The following EYS variants were observed in gnomAD, a reference collection of about 807,000 sequenced individuals.
EYS encodes EGF-like photoreceptor maintenance factor, also known as protein eyes shut homolog.
In EYS, 250 loss-of-function variants were observed where a neutral mutation model predicts 282.1. The ratio of observed to expected loss-of-function variants is 0.89; its 90% CI spans 0.80 to 0.98. EYS has a LOEUF of 0.98. EYS is among the 50% of genes least tolerant of loss of function. The pLI, the probability that EYS is intolerant of heterozygous loss-of-function variation, is 0.00. For synonymous variants in EYS, 1,355 were observed against 1,282.9 expected, an observed-to-expected ratio of 1.06 and a Z score of -1.20; for missense variants, 4,016 against 3,709.0, an observed-to-expected ratio of 1.08 and a Z score of -2.15.
At chr6:64,816,849 A>G (rs1764752965) in intron 21 of EYS, among the ~76,000 whole-genome samples, 1 of 152,076 alleles carries the variant, frequency 6.6e-6, no homozygotes, top group Admixed American at 6.6e-5. Context: ...TTTTAAGAGC[A>G]ATAGACTTAA....
chr6:65,534,342 T>C (rs1246890582), intron 2 of EYS, among the ~76,000 whole-genome samples: 1 of 152,056 alleles, frequency 6.6e-6, no homozygotes, highest in Admixed American at 6.6e-5. Flanking sequence ...TTATATGAAG[T>C]TTACTGAATA....
At chr6:63,773,647 T>C (rs778598045) in intron 40 of EYS, among the ~76,000 whole-genome samples, 2 of 152,084 alleles carry the variant, frequency 1.3e-5, no homozygotes, top group African/African-American at 4.8e-5. Flanking sequence ...GCAAAGAGGA[T>C]TTTAGGAAGA....
intron 29 of EYS, among the ~76,000 whole-genome samples, chr6:64,347,869 T>G (rs1418805040): frequency 6.6e-6 from 1 of 151,352 alleles, no homozygotes; most frequent in Non-Finnish European, 1.5e-5. Flanking sequence ...TTGTAAACTT[T>G]CGGCCTCAAC....
chr6:63,910,421 C>T (rs1432070108), intron 35 of EYS, among the ~76,000 whole-genome samples: 6 of 152,124 alleles, frequency 3.9e-5, no homozygotes, highest in Non-Finnish European at 8.8e-5. Context: ...ATTCTGTGTA[C>T]CGAAAGGTCA....
At chr6:64,093,220 T>C (rs1772439025) in intron 31 of EYS, among the ~76,000 whole-genome samples, 1 of 152,124 alleles carries the variant, frequency 6.6e-6, no homozygotes, top group Non-Finnish European at 1.5e-5. Flanking sequence ...TGGCTTAGGA[T>C]TGACTTGACA....
intron 12 of EYS, among the ~76,000 whole-genome samples, chr6:65,105,738 T>C (rs1299595461): frequency 6.6e-6 from 1 of 151,936 alleles, no homozygotes; most frequent in African/African-American, 2.4e-5. Flanking sequence ...ATTTCCTAAA[T>C]CTGAAGAGAT....
chr6:65,578,295 A>G (rs933611724), intron 2 of EYS, among the ~76,000 whole-genome samples: 1 of 151,682 alleles, frequency 6.6e-6, no homozygotes, highest in Admixed American at 6.6e-5. Context: ...ATGAACCTAG[A>G]GTACATTATG....
intron 13 of EYS, among the ~76,000 whole-genome samples, chr6:65,022,838 T>C (rs1200740062): frequency 6.6e-6 from 1 of 151,920 alleles, no homozygotes; most frequent in Non-Finnish European, 1.5e-5. Context: ...TATGACATAG[T>C]ACAATGGAGG....
At chr6:64,433,206 C>T (rs1440325358) in intron 28 of EYS, among the ~76,000 whole-genome samples, 3 of 151,882 alleles carry the variant, frequency 2.0e-5, no homozygotes, top group Non-Finnish European at 2.9e-5. Context: ...TATAAGGGTA[C>T]GTAAGGCAAG....
intron 26 of EYS, among the ~76,000 whole-genome samples, chr6:64,573,970 T>C (rs1421265106): frequency 1.3e-5 from 2 of 151,850 alleles, no homozygotes; most frequent in African/African-American, 4.8e-5. Context: ...TAAAGACACA[T>C]ACACATGTAT....
intron 35 of EYS, among the ~76,000 whole-genome samples, chr6:63,978,595 G>A (rs1008579908): frequency 1.3e-5 from 2 of 151,938 alleles, no homozygotes; most frequent in African/African-American, 2.4e-5. Flanking sequence ...ATCTGGGTTA[G>A]ATACAGAGTA....
intron 12 of EYS, among the ~76,000 whole-genome samples, chr6:65,205,855 C>A (rs1434273081): frequency 6.6e-6 from 1 of 151,718 alleles, no homozygotes; most frequent in African/African-American, 2.4e-5. Context: ...AATGGAAACA[C>A]AACATACCAA....
intron 15 of EYS, among the ~76,000 whole-genome samples, chr6:64,940,614 C>A (rs1769057148): frequency 6.6e-6 from 1 of 151,960 alleles, no homozygotes; most frequent in Non-Finnish European, 1.5e-5. Flanking sequence ...ACAAAAATGT[C>A]TCTGGGTCTT....
In EYS at chr6:64,606,223, A is replaced by G. The variant is rs138640411; in HGVS notation, c.3684+11195T>C. 7.5e-4 allele frequency among the ~76,000 whole-genome samples: 114 copies of G among 152,152 alleles called. No homozygotes were observed. In the East Asian group the frequency reaches 0.019, roughly 25 times the overall value. Reference sequence around the variant, plus strand: ...CATAAAGGATATATTAAAAAATAACATAACCTCACATCTTTCCATTCACAC... The same window carrying G: ...CATAAAGGATATATTAAAAAATAACGTAACCTCACATCTTTCCATTCACAC... On this transcript the variant is annotated intron_variant, in intron 24 of 42. Transcript: ENST00000503581.
At chr6:63,977,255 G>A (rs1326848795) in intron 35 of EYS, among the ~76,000 whole-genome samples, 1 of 151,840 alleles carries the variant, frequency 6.6e-6, no homozygotes, top group African/African-American at 2.4e-5. Context: ...AGCATAATTG[G>A]AATAGCCATC....
In EYS at chr6:64,202,370, T is replaced by C. The variant is rs1412566877; in HGVS notation, c.6424+28222A>G. Among the ~76,000 whole-genome samples the C allele has an allele frequency of 2.6e-5, 4 of 152,154 alleles. No homozygotes were observed. The East Asian group carries it at 7.7e-4, about 29-fold the overall frequency. Reference sequence around the variant, plus strand: ...GTTCTCTCTCCTTAGACTCTACCCATCACCACTCAACCAAAGACTTTCATG... The same window carrying C: ...GTTCTCTCTCCTTAGACTCTACCCACCACCACTCAACCAAAGACTTTCATG... On this transcript the variant is annotated intron_variant, in intron 31 of 42. Coordinates refer to ENST00000503581, the MANE Select transcript of EYS (RefSeq NM_001142800.2).
rs75391459 is a variant in EYS, at chr6:64,459,978, T to C, written c.5645-20626A>G. The stretch of plus-strand genomic sequence containing the variant: ...AAAAAAAAGACAAAACCCCAAAAAC[T>C]AGTGACTCGGGATTTTTCTGTTGTG... On this transcript the variant is annotated intron_variant, in intron 26 of 42. Coordinates refer to ENST00000503581, the MANE Select transcript of EYS (RefSeq NM_001142800.2). Among the ~76,000 whole-genome samples, 755 of 151,178 alleles carry C rather than the reference T, an allele frequency of 5.0e-3. 5 individuals carry two copies. Among genetic ancestry groups the C allele is most frequent in the African/African-American group, 0.017 (721 of 41,244 alleles).
chr6:64,356,063 T>C (rs908576021), intron 29 of EYS, among the ~76,000 whole-genome samples: 1 of 151,640 alleles, frequency 6.6e-6, no homozygotes, highest in African/African-American at 2.4e-5. Flanking sequence ...AGGGCCAACA[T>C]TACAACATGT....
intron 14 of EYS, among the ~76,000 whole-genome samples, chr6:64,986,438 A>T (rs1770859630): frequency 6.6e-6 from 1 of 151,460 alleles, no homozygotes; most frequent in Admixed American, 6.6e-5. Context: ...CACAATTTTA[A>T]CTTGACTGCC....
Sources: allele counts gnomAD v4.1 joint callset (sites outside exome capture counted in the v4.1 genomes callset), GRCh38; gene constraint gnomAD v4.1.1; transcripts MANE v1.5; gene names NCBI Gene and HGNC (gene_info 2026-07-23, HGNC 2026-07-21).